Variants in SLC44A1 observed in about 807,000 individuals in gnomAD.
SLC44A1 encodes solute carrier family 44 member 1, also known as choline transporter-like protein 1.
A neutral mutation model predicts 79.3 loss-of-function variants in SLC44A1; 26 were observed. That is an observed-to-expected ratio of 0.33 (90% CI 0.24 to 0.46). SLC44A1 has a LOEUF of 0.46. Ranked by LOEUF, SLC44A1 falls within the 20% of genes least tolerant of loss-of-function variation. The pLI, the probability that SLC44A1 is intolerant of heterozygous loss-of-function variation, is 1.00. For synonymous variants in SLC44A1, 263 were observed against 286.2 expected (o/e 0.92, Z 0.82); for missense variants, 688 against 798.1 (o/e 0.86, Z 1.66).
chr9:105,289,630 T>A (rs992478860), intron 1 of SLC44A1, among the ~76,000 whole-genome samples: 1 of 152,192 alleles, frequency 6.6e-6, no homozygotes, highest in Non-Finnish European at 1.5e-5. Flanking sequence ...TGAACACATA[T>A]TTGTTTCAGT....
At chr9:105,358,105 T>G (rs1827673984) in intron 6 of SLC44A1, among the ~76,000 whole-genome samples, 1 of 152,210 alleles carries the variant, frequency 6.6e-6, no homozygotes, top group Admixed American at 6.5e-5. Context: ...CATTTGCATG[T>G]ATTTTTTTCT....
intron 2 of SLC44A1, 111 bp downstream of exon 2, chr9:105,299,420 T>C: frequency 1.6e-6 from 1 of 627,154 alleles, no homozygotes; most frequent in Non-Finnish European, 2.5e-6. Flanking sequence ...TACAATTCAG[T>C]GGTATTTTGT....
At chr9:105,380,747 A>G (rs1828437207) in intron 13 of SLC44A1, among the ~76,000 whole-genome samples, 1 of 152,136 alleles carries the variant, frequency 6.6e-6, no homozygotes, top group Non-Finnish European at 1.5e-5. Context: ...TCCATCCACC[A>G]TGGAGATCAC....
At position 105,389,182 on chromosome 9, in the gene SLC44A1, C is replaced by A. The variant is rs190518918; in HGVS notation, c.*126C>A. On this transcript the variant is annotated 3_prime_UTR_variant, in exon 16 of 16. Coordinates refer to ENST00000374720, the MANE Select transcript of SLC44A1 (RefSeq NM_080546.5). ...GTGTGTATATATGTATATGTATATA[C>A]ACACACACACATAAATCAGCCAAAA... The A allele has an allele frequency of 1.0e-5, 13 of 1,278,766 alleles. No homozygotes were observed. In the African/African-American group the frequency reaches 1.8e-4, roughly 18 times the overall value. 79.2% of individuals were successfully genotyped at this position (1,278,766 alleles called of 1,614,324 possible). A position where few individuals can be genotyped will look rare whatever the true frequency, so the allele number is the denominator to read the frequency against.
chr9:105,278,396 C>A (rs988945641), intron 1 of SLC44A1, among the ~76,000 whole-genome samples: 2 of 152,122 alleles, frequency 1.3e-5, no homozygotes, highest in Non-Finnish European at 2.9e-5. Context: ...CTACGGGCGC[C>A]CGCCACCACG....
intron 3 of SLC44A1, 36 bp downstream of exon 3, chr9:105,309,902 CT>C: frequency 6.3e-7 from 1 of 1,594,164 alleles, no homozygotes; most frequent in Non-Finnish European, 8.6e-7. Flanking sequence ...CACATGGAAA[CT>C]TTGAAAGAGG....
rs1459140391 is a variant in SLC44A1, at chr9:105,365,749, G to A, written c.1410+110G>A. 4 of 1,154,548 alleles carry A rather than the reference G, an allele frequency of 3.5e-6. No homozygotes were observed. In the African/African-American group the frequency reaches 4.6e-5, roughly 13 times the overall value. 71.5% of individuals were successfully genotyped at this position (1,154,548 alleles called of 1,614,324 possible). ...AATACAAAGTTGTGTTTTCTTCAAA[G>A]TCTTTACAAGGCAAAATCCAGCCCT... On this transcript the variant is annotated intron_variant, in intron 11 of 15. Transcript: ENST00000374720.
intron 15 of SLC44A1, among the ~76,000 whole-genome samples, chr9:105,424,459 CAG>C (rs1829293990): frequency 1.3e-5 from 2 of 152,136 alleles, no homozygotes; most frequent in South Asian, 2.1e-4. Flanking sequence ...AGAATGGGAG[CAG>C]AGTCTTCCAT....
chr9:105,428,068 T>C (rs991581684), intron 15 of SLC44A1, among the ~76,000 whole-genome samples: 1 of 152,136 alleles, frequency 6.6e-6, no homozygotes, highest in Non-Finnish European at 1.5e-5. Context: ...TAGTAGCAAA[T>C]CTTTTTCCTT....
In SLC44A1 at chr9:105,356,235, G is replaced by A. The variant is rs768207933; in HGVS notation, c.524G>A (p.Arg175His). Residue 175 changes from arginine (R) to histidine (H), a missense_variant, in exon 6 of 16, where the codon CGC becomes CAC. Arg to His is a conservative substitution (Grantham distance 29). Coordinates refer to ENST00000374720, the MANE Select transcript of SLC44A1 (RefSeq NM_080546.5). Reference protein sequence around the residue: ...PASAPIPFFHRCAPVNISCYA... With the variant: ...PASAPIPFFHHCAPVNISCYA... ...AGTGCACCTATTCCATTCTTCCATCGCTGTGCTCCTGTGAACATTTCCTGC... is the reference window on the plus strand; with the variant it reads ...AGTGCACCTATTCCATTCTTCCATCACTGTGCTCCTGTGAACATTTCCTGC... 12 of 1,611,790 alleles carry A rather than the reference G, an allele frequency of 7.4e-6. No homozygotes were observed. Among genetic ancestry groups the A allele is most frequent in the African/African-American group, 2.7e-5 (2 of 74,442 alleles).
intron 15 of SLC44A1, among the ~76,000 whole-genome samples, chr9:105,410,561 A>T (rs550059459): frequency 1.9e-4 from 29 of 152,296 alleles, no homozygotes; most frequent in African/African-American, 6.7e-4. Flanking sequence ...AAACAAATAG[A>T]CAATAAGAAG....
At chr9:105,284,355 G>A (rs2131260276) in intron 1 of SLC44A1, among the ~76,000 whole-genome samples, 1 of 151,674 alleles carries the variant, frequency 6.6e-6, no homozygotes, top group South Asian at 2.1e-4. Flanking sequence ...ATGAGCCACT[G>A]CACCCGGTCC....
intron 13 of SLC44A1, among the ~76,000 whole-genome samples, chr9:105,376,157 G>A (rs1828275405): frequency 6.6e-6 from 1 of 152,122 alleles, no homozygotes; most frequent in Non-Finnish European, 1.5e-5. Flanking sequence ...TTGGCATGGA[G>A]AAGTATATAT....
intron 15 of SLC44A1, among the ~76,000 whole-genome samples, chr9:105,423,167 G>T (rs1331767632): frequency 6.6e-6 from 1 of 152,174 alleles, no homozygotes; most frequent in African/African-American, 2.4e-5. Flanking sequence ...TGGGCCAGGC[G>T]TGGTGGCTCA....
At chr9:105,427,649 G>T (rs1466915799) in intron 15 of SLC44A1, among the ~76,000 whole-genome samples, 4 of 152,076 alleles carry the variant, frequency 2.6e-5, no homozygotes, top group Non-Finnish European at 5.9e-5. Flanking sequence ...TTATTATAGA[G>T]ATATCTTTGC....
At position 105,295,121 on chromosome 9, in the gene SLC44A1, T is replaced by A. The variant is rs539788958; in HGVS notation, c.37-4099T>A. On this transcript the variant is annotated intron_variant, in intron 1 of 15. Coordinates refer to ENST00000374720, the MANE Select transcript of SLC44A1 (RefSeq NM_080546.5). ...CAGGTTTCAGACATAGATTTTCCAC[T>A]TGTTTTCTTTGATTTTTGTTTTCCT... 5.3e-5 allele frequency among the ~76,000 whole-genome samples: 8 copies of A among 152,318 alleles called. No homozygotes were observed. In the East Asian group the frequency reaches 1.5e-3, roughly 29 times the overall value.
At chr9:105,301,186 C>T (rs1424827601) in intron 2 of SLC44A1, among the ~76,000 whole-genome samples, 1 of 152,174 alleles carries the variant, frequency 6.6e-6, no homozygotes, top group Non-Finnish European at 1.5e-5. Flanking sequence ...ATGTACCATG[C>T]CACCCGAGGT....
chr9:105,378,246 C>T lies in SLC44A1; in HGVS notation c.1632+3511C>T, dbSNP rs1008834615. Among the ~76,000 whole-genome samples the T allele has an allele frequency of 2.6e-5, 4 of 152,154 alleles. 1 individual carries two copies. Among genetic ancestry groups the T allele is most frequent in the Admixed American group, 2.0e-4 (3 of 15,276 alleles). On this transcript the variant is annotated intron_variant, in intron 13 of 15. Coordinates refer to ENST00000374720, the MANE Select transcript of SLC44A1 (RefSeq NM_080546.5). The stretch of plus-strand genomic sequence containing the variant: ...CCCGGACGACAAAGCGGGACTCTGT[C>T]TCAAAAACAAAAACAAAAGAAACCT...
chr9:105,297,243 T>G (rs1459890978), intron 1 of SLC44A1, among the ~76,000 whole-genome samples: 1 of 152,236 alleles, frequency 6.6e-6, no homozygotes, highest in Non-Finnish European at 1.5e-5. Context: ...TTTAACACTT[T>G]AGGGGTTAGG....
Sources: allele counts gnomAD v4.1 joint callset (sites outside exome capture counted in the v4.1 genomes callset), GRCh38; gene constraint gnomAD v4.1.1; transcripts MANE v1.5; gene names NCBI Gene and HGNC (gene_info 2026-07-23, HGNC 2026-07-21).